Variants in KLRG1 observed in about 807,000 individuals in gnomAD.
The protein encoded by KLRG1 is killer cell lectin like receptor G1.
In KLRG1, 16 loss-of-function variants were observed where a neutral mutation model predicts 21.8. That is an observed-to-expected ratio of 0.73 (90% confidence interval 0.50 to 1.11). KLRG1 has a LOEUF of 1.11. Among genes scored for constraint, KLRG1 ranks in the 50% most tolerant of loss-of-function variants. KLRG1 has a pLI of 0.00. For missense variants in KLRG1, 173 were observed against 218.3 expected (o/e 0.79, Z 1.31); for synonymous variants, 69 against 75.9 (o/e 0.91, Z 0.47).
chr12:8,963,827 G>A (rs957790582), intron 1 of KLRG1, among the ~76,000 whole-genome samples: 10 of 152,140 alleles, frequency 6.6e-5, no homozygotes, highest in African/African-American at 2.2e-4. Context: ...TTGCATAGAG[G>A]TGTTTATAGT....
At chr12:9,206,399 A>G in the KLRG1 span, among the ~76,000 whole-genome samples, 56,445 of 151,996 alleles carry the variant, frequency 0.37, 10,571 homozygotes, top group East Asian at 0.45. Flanking sequence ...AGATATTGAA[A>G]TCAGAACAAA....
At chr12:9,202,445 G>C in the KLRG1 span, 1 of 1,612,252 alleles carries the variant, frequency 6.2e-7, no homozygotes, top group Non-Finnish European at 8.5e-7. Context: ...AGGAGGCTAC[G>C]GGGCTAGGAT....
chr12:9,146,701 T>A, the KLRG1 span, among the ~76,000 whole-genome samples: 1 of 152,184 alleles, frequency 6.6e-6, no homozygotes, highest in African/African-American at 2.4e-5. Context: ...CTAACAATCC[T>A]TTCTCTTCTC....
intron 1 of KLRG1, among the ~76,000 whole-genome samples, chr12:8,975,249 T>C (rs1163265757): frequency 6.6e-6 from 1 of 152,182 alleles, no homozygotes. Context: ...TTAATTTTTC[T>C]TTAAATGTTT....
chr12:9,152,260 A>G, the KLRG1 span: 6 of 1,613,124 alleles, frequency 3.7e-6, no homozygotes, highest in African/African-American at 2.7e-5. Context: ...ACCAGATACC[A>G]TCTTTACATC....
At chr12:9,095,746 T>TC in the KLRG1 span, 1 of 1,065,668 alleles carries the variant, frequency 9.4e-7, no homozygotes, top group Non-Finnish European at 1.2e-6. Context: ...TTGTGACTTT[T>TC]TTTTTTTTTT....
the KLRG1 span, chr12:9,055,834 A>G: frequency 6.6e-6 from 1 of 152,592 alleles, no homozygotes; most frequent in Non-Finnish European, 1.5e-5. Flanking sequence ...GGGCTTTGCT[A>G]AAGGAGACCA....
chr12:8,999,779 C>T (rs1354271175), intron 3 of KLRG1, among the ~76,000 whole-genome samples: 1 of 152,156 alleles, frequency 6.6e-6, no homozygotes, highest in African/African-American at 2.4e-5. Context: ...TGGCTCACGC[C>T]TGTAATCCCA....
At chr12:9,164,019 CTAACTT>C in the KLRG1 span, 1 of 1,392,706 alleles carries the variant, frequency 7.2e-7, no homozygotes, top group Admixed American at 2.2e-5. Context: ...GGAAAAAAAA[CTAACTT>C]TATAGAATTA....
At chr12:9,117,853 T>G in the KLRG1 span, among the ~76,000 whole-genome samples, 4 of 152,206 alleles carry the variant, frequency 2.6e-5, 1 homozygote, top group Non-Finnish European at 4.4e-5. Flanking sequence ...ATTTCAACAT[T>G]TAGCCAATAT....
the KLRG1 span, chr12:9,077,271 G>A: frequency 7.6e-7 from 1 of 1,321,942 alleles, no homozygotes; most frequent in Non-Finnish European, 1.1e-6. Context: ...TAATAGGATA[G>A]TATTTCAGAC....
At chr12:9,215,507 C>T in the KLRG1 span, among the ~76,000 whole-genome samples, 7 of 151,898 alleles carry the variant, frequency 4.6e-5, no homozygotes, top group Non-Finnish European at 8.8e-5. Flanking sequence ...TCTTTTTATA[C>T]AATATGTAAC....
chr12:9,182,138 G>GACAAAATGGTCATAAGTGAC, the KLRG1 span: 1 of 1,610,546 alleles, frequency 6.2e-7, no homozygotes, highest in Non-Finnish European at 8.5e-7. Context: ...GAGAGAGTGA[G>GACAAAATGGTCATAAGTGAC]ACAAAATGGT....
At chr12:9,065,409 A>C in the KLRG1 span, among the ~76,000 whole-genome samples, 2 of 151,764 alleles carry the variant, frequency 1.3e-5, no homozygotes, top group African/African-American at 4.8e-5. Flanking sequence ...GCTTCTCTCC[A>C]CTGTTAGCAC....
At position 8,965,919 on chromosome 12, in the gene KLRG1, G is replaced by A. The variant is rs747863830; in HGVS notation, c.-156+15683G>A. Reference sequence around the variant, plus strand: ...AAAAGAACAAAGCTGGAGGCATCACGCTACCTGAATTCAAACTGTACTACA... The same window carrying A: ...AAAAGAACAAAGCTGGAGGCATCACACTACCTGAATTCAAACTGTACTACA... On this transcript the variant is annotated intron_variant, in intron 1 of 4. Transcript: ENST00000539240. Among the ~76,000 whole-genome samples the A allele has an allele frequency of 5.4e-3, 827 of 152,186 alleles. 10 individuals are homozygous for A. The highest frequency in any genetic ancestry group is 0.016 in the African/African-American group (646 of 41,508).
the KLRG1 span, among the ~76,000 whole-genome samples, chr12:9,027,260 A>C: frequency 7.3e-5 from 9 of 123,884 alleles, no homozygotes; most frequent in African/African-American, 3.4e-4. Flanking sequence ...CATGGGTGCA[A>C]AAAAAAAAAA....
intron 1 of KLRG1, among the ~76,000 whole-genome samples, chr12:8,954,034 A>T (rs1479767453): frequency 6.6e-6 from 1 of 152,140 alleles, no homozygotes; most frequent in East Asian, 1.9e-4. Context: ...GGAGCCTTTT[A>T]GTGGTGCCTC....
At chr12:9,110,152 G>C in the KLRG1 span, 8 of 1,198,378 alleles carry the variant, frequency 6.7e-6, no homozygotes, top group South Asian at 1.1e-4. Context: ...AGTAGTAAAG[G>C]GTGAGTAGAG....
the KLRG1 span, chr12:9,066,377 G>T: frequency 6.6e-6 from 1 of 152,520 alleles, no homozygotes; most frequent in Non-Finnish European, 1.5e-5. Flanking sequence ...GCCTGGTCCA[G>T]GGGGAAGCTG....
Sources: allele counts gnomAD v4.1 joint callset (sites outside exome capture counted in the v4.1 genomes callset), GRCh38; gene constraint gnomAD v4.1.1; transcripts MANE v1.5; gene names NCBI Gene and HGNC (gene_info 2026-07-23, HGNC 2026-07-21).